The following CDH9 variants were observed in gnomAD, a reference collection of about 807,000 sequenced individuals.
CDH9 encodes cadherin-9.
A neutral mutation model predicts 70.9 loss-of-function variants in CDH9; 28 were observed. The observed-to-expected ratio is 0.40, with a 90% CI of 0.29 to 0.54. The LOEUF (loss-of-function observed/expected upper bound fraction) is 0.54. CDH9 is among the 20% of genes least tolerant of loss of function. CDH9 has a pLI of 0.59. For synonymous variants in CDH9, 409 were observed against 343.1 expected, an observed-to-expected ratio of 1.19 and a Z score of -2.12; for missense variants, 874 against 984.4, an observed-to-expected ratio of 0.89 and a Z score of 1.50.
chr5:27,028,342 A>G (rs1266984787), intron 1 of CDH9: 1 of 151,668 alleles, frequency 6.6e-6, no homozygotes, highest in Non-Finnish European at 1.5e-5. Flanking sequence ...TCCTGCCACT[A>G]CACTCCAGCC....
intron 2 of CDH9, among the ~76,000 whole-genome samples, chr5:26,952,899 T>C (rs1741876793): frequency 5.4e-5 from 1 of 18,600 alleles, no homozygotes; most frequent in African/African-American, 1.8e-4. Context: ...ATGTTTCTAT[T>C]CCAAAAAAAA....
intron 2 of CDH9, among the ~76,000 whole-genome samples, chr5:26,945,860 G>A (rs548459658): frequency 6.6e-6 from 1 of 152,220 alleles, no homozygotes; most frequent in East Asian, 1.9e-4. Context: ...TAATCAGCAG[G>A]CTTGCTATCC....
At chr5:26,883,350 A>T (rs527820699) in intron 11 of CDH9, among the ~76,000 whole-genome samples, 13 of 151,766 alleles carry the variant, frequency 8.6e-5, no homozygotes, top group African/African-American at 3.1e-4. Context: ...TGGTCCTTAG[A>T]ATCTGTTCTG....
chr5:27,001,106 T>A (rs1742759729), intron 1 of CDH9, among the ~76,000 whole-genome samples: 1 of 152,106 alleles, frequency 6.6e-6, no homozygotes, highest in Admixed American at 6.6e-5. Flanking sequence ...TGAACCTTAA[T>A]GTATACAAAT....
chr5:27,014,239 A>T (rs1188594894), intron 1 of CDH9, among the ~76,000 whole-genome samples: 1 of 152,008 alleles, frequency 6.6e-6, no homozygotes, highest in Non-Finnish European at 1.5e-5. Flanking sequence ...CCAATCAAGG[A>T]TAGATCAAGC....
At chr5:26,904,920 A>G (rs531297373) in intron 5 of CDH9, among the ~76,000 whole-genome samples, 1 of 152,230 alleles carries the variant, frequency 6.6e-6, no homozygotes, top group African/African-American at 2.4e-5. Flanking sequence ...TAACAGAATT[A>G]CAGAATGTCA....
At chr5:26,910,738 G>C (rs1013100497) in intron 3 of CDH9, among the ~76,000 whole-genome samples, 1 of 152,182 alleles carries the variant, frequency 6.6e-6, no homozygotes, top group African/African-American at 2.4e-5. Flanking sequence ...GCTTCAGTGT[G>C]AGAATAAGTT....
chr5:27,012,964 G>A (rs1742984153), intron 1 of CDH9, among the ~76,000 whole-genome samples: 1 of 151,958 alleles, frequency 6.6e-6, no homozygotes, highest in Admixed American at 6.6e-5. Flanking sequence ...ACAAGGAGAT[G>A]ATAATAATAG....
intron 2 of CDH9, among the ~76,000 whole-genome samples, chr5:26,967,590 A>G (rs1579483334): frequency 6.6e-6 from 1 of 152,196 alleles, no homozygotes. Context: ...AGATACTAGA[A>G]ATATAGCAAT....
At chr5:26,919,089 A>G (rs1289153042) in intron 2 of CDH9, among the ~76,000 whole-genome samples, 1 of 152,148 alleles carries the variant, frequency 6.6e-6, no homozygotes, top group Non-Finnish European at 1.5e-5. Context: ...TCCACAAAAA[A>G]GCTTTCATAT....
rs959299108 is a variant in CDH9, at chr5:26,999,223, G to C, written c.-49-10841C>G. On this transcript the variant is annotated intron_variant, in intron 1 of 11. Coordinates refer to ENST00000231021, the MANE Select transcript of CDH9 (RefSeq NM_016279.4). ...TCATGCCCTCCAGCCTGGTGACGGA[G>C]CGAGACTCCGTCTAAAAAAAAATAA... Among the ~76,000 whole-genome samples the C allele has an allele frequency of 3.9e-5, 6 of 152,052 alleles. No homozygotes were observed. In the South Asian group the frequency reaches 1.0e-3, roughly 26 times the overall value.
At chr5:26,983,679 C>T (rs1235766375) in intron 2 of CDH9, among the ~76,000 whole-genome samples, 1 of 152,060 alleles carries the variant, frequency 6.6e-6, no homozygotes, top group Non-Finnish European at 1.5e-5. Context: ...GCAGCTGCTC[C>T]ATGTACTGCA....
intron 2 of CDH9, among the ~76,000 whole-genome samples, chr5:26,973,077 T>A (rs1187246303): frequency 6.6e-6 from 1 of 152,168 alleles, no homozygotes; most frequent in Non-Finnish European, 1.5e-5. Context: ...TTGACCAGGC[T>A]GGTCTCGAAC....
intron 1 of CDH9, among the ~76,000 whole-genome samples, chr5:27,018,950 T>C (rs907650372): frequency 1.3e-5 from 2 of 152,008 alleles, no homozygotes; most frequent in Non-Finnish European, 2.9e-5. Flanking sequence ...ACATCATCTT[T>C]ATTCCTTTGT....
rs145878415 is a variant in CDH9, at chr5:27,017,884, T to C, written c.-50+20579A>G. On this transcript the variant is annotated intron_variant, in intron 1 of 11. Transcript: ENST00000231021. ...AGGTTATTTAATGTATATTATATTG[T>C]AGTAGTGATGTAGTACGTATTTTAG... Among the ~76,000 whole-genome samples the C allele has an allele frequency of 2.1e-4, 32 of 151,768 alleles. No homozygotes were observed. In the East Asian group the frequency reaches 4.1e-3, roughly 19 times the overall value.
At chr5:27,015,628 A>C (rs1264240943) in intron 1 of CDH9, among the ~76,000 whole-genome samples, 1 of 151,622 alleles carries the variant, frequency 6.6e-6, no homozygotes, top group African/African-American at 2.4e-5. Context: ...ATATAAATAT[A>C]AATTATAAAA....
In CDH9 at chr5:26,988,329, C is replaced by T; in HGVS notation, c.5G>A (p.Arg2Lys). 6.2e-7 allele frequency: 1 copy of T among 1,607,954 alleles called. No homozygotes were observed. The highest frequency in any genetic ancestry group is 8.5e-7 in the Non-Finnish European group (1 of 1,175,508). Residue 2 changes from arginine to lysine, a missense_variant, in exon 2 of 12, where the codon AGG (arginine) becomes AAG (lysine). Arg to Lys is a conservative substitution (Grantham distance 26). Transcript: ENST00000231021. ...GAATAATGGTATATAATGGTAAGTC[C>T]TCATTATCTGCAACTTCAGTGGGTT... MRTYHYIPLFIW... is the reference protein window; with the variant it reads MKTYHYIPLFIW...
chr5:26,948,505 C>T (rs1435607238), intron 2 of CDH9, among the ~76,000 whole-genome samples: 3 of 152,154 alleles, frequency 2.0e-5, no homozygotes, highest in Non-Finnish European at 2.9e-5. Context: ...CTATGGGTTA[C>T]GAATATGCAA....
chr5:26,897,093 C>T (rs1372792931), intron 7 of CDH9, among the ~76,000 whole-genome samples: 1 of 152,002 alleles, frequency 6.6e-6, no homozygotes, highest in Non-Finnish European at 1.5e-5. Flanking sequence ...TTCCTGGACA[C>T]ATACACCCTC....
Sources: gnomAD v4.1 joint callset for allele counts (sites outside exome capture counted in the v4.1 genomes callset) on GRCh38, gnomAD v4.1.1 for gene constraint, MANE v1.5 for transcripts, NCBI Gene and HGNC (gene_info 2026-07-23, HGNC 2026-07-21) for gene names.